HTR2C: variants seen among roughly 807,000 people sequenced by gnomAD.
HTR2C encodes the protein 5-hydroxytryptamine (serotonin) receptor 2C, G protein-coupled.
HTR2C carries 5 observed loss-of-function variants against 21.0 expected under a neutral mutation model. The observed-to-expected ratio is 0.24, with a 90% CI of 0.12 to 0.50. The LOEUF is 0.50. Ranked by LOEUF, HTR2C falls within the 20% of genes least tolerant of loss-of-function variation. The probability of loss-of-function intolerance (pLI) is 0.98; values close to 1 mark genes in which losing one functional copy is unlikely to be tolerated. For missense variants in HTR2C, 271 were observed against 371.2 expected (o/e 0.73, Z 2.22); for synonymous variants, 150 against 145.3 (o/e 1.03, Z -0.23).
At chrX:114,774,633 C>T (rs1299811092) in intron 4 of HTR2C, among the ~76,000 whole-genome samples, 1 of 112,016 alleles carries the variant, frequency 8.9e-6, no homozygotes. Context: ...GCATTTTCCA[C>T]TTACAGTACA....
chrX:114,721,808 G>A (rs1282076738), intron 2 of HTR2C, among the ~76,000 whole-genome samples: 11 of 110,339 alleles, frequency 1.0e-4, no homozygotes, highest in Non-Finnish European at 2.1e-4. Flanking sequence ...TCTCAGGTTT[G>A]TCAAAGATCA....
At chrX:114,831,549 GT>G (rs1298493342) in intron 4 of HTR2C, among the ~76,000 whole-genome samples, 4 of 89,612 alleles carry the variant, frequency 4.5e-5, no homozygotes, top group East Asian at 3.9e-4. Flanking sequence ...GGGGTTGTTT[GT>G]TTTTTTCTTG....
At chrX:114,883,226 T>C (rs2071195289) in intron 5 of HTR2C, among the ~76,000 whole-genome samples, 1 of 110,521 alleles carries the variant, frequency 9.0e-6, no homozygotes, top group South Asian at 3.8e-4. Context: ...TTTTTGATCC[T>C]AATAATTTAA....
chrX:114,858,187 C>A (rs782808132), intron 5 of HTR2C, among the ~76,000 whole-genome samples: 1 of 110,558 alleles, frequency 9.0e-6, no homozygotes, highest in South Asian at 3.8e-4. Flanking sequence ...TAGCCTAAGG[C>A]CTTTTCATTT....
chrX:114,593,648 C>A (rs1556391730), intron 1 of HTR2C, among the ~76,000 whole-genome samples: 1 of 105,342 alleles, frequency 9.5e-6, no homozygotes, highest in Non-Finnish European at 1.9e-5. Flanking sequence ...CAAAAAGACA[C>A]AAGCACTGTG....
chrX:114,790,899 G>C (rs1277988376), intron 4 of HTR2C, among the ~76,000 whole-genome samples: 2 of 110,782 alleles, frequency 1.8e-5, no homozygotes, highest in Admixed American at 1.9e-4. Context: ...TTCATCACTG[G>C]AACATTTGGA....
chrX:114,662,775 T>C (rs868972594), intron 2 of HTR2C, among the ~76,000 whole-genome samples: 1 of 111,364 alleles, frequency 9.0e-6, no homozygotes, highest in South Asian at 3.7e-4. Context: ...TCAGACAATA[T>C]ATCTATTTCA....
rs782644165 is a variant in HTR2C, at chrX:114,743,478, TA to T, written c.349+11877del. Among the ~76,000 whole-genome samples the T allele has an allele frequency of 4.5e-5, 5 of 111,868 alleles. No homozygotes were observed. The South Asian group carries it at 1.5e-3, about 33-fold the overall frequency. ...GACAGAAAAATACAATATCTAAATT[TA>T]AAAAATATATAGCATAGGCTTAATA... On this transcript the variant is annotated intron_variant, in intron 4 of 5. Coordinates refer to ENST00000276198, the MANE Select transcript of HTR2C (RefSeq NM_000868.4).
intron 5 of HTR2C, among the ~76,000 whole-genome samples, chrX:114,891,933 T>G: frequency 9.0e-6 from 1 of 111,522 alleles, no homozygotes; most frequent in Middle Eastern, 4.6e-3. Flanking sequence ...AGTATACTTT[T>G]TTCTCTTATT....
rs1602770950 is a variant in HTR2C at position 114,775,623 on chromosome X, T to A, written c.349+44016T>A. 1.2e-5 allele frequency: 6 copies of A among 498,015 alleles called. No individual in the cohort carries two copies. The East Asian group carries it at 2.2e-4, about 18-fold the overall frequency. 41.0% of individuals were successfully genotyped at this position (498,015 alleles called of 1,213,427 possible). A position where few individuals can be genotyped will look rare whatever the true frequency, so the allele number is the denominator to read the frequency against. ...TCCAAGAGCAGCAAATCTTGAACGTTTTCAGATTTGTCTCCAGATAGGATG... is the reference window on the plus strand; with the variant it reads ...TCCAAGAGCAGCAAATCTTGAACGTATTCAGATTTGTCTCCAGATAGGATG... On this transcript the variant is annotated intron_variant, in intron 4 of 5. Coordinates refer to ENST00000276198, the MANE Select transcript of HTR2C (RefSeq NM_000868.4).
intron 2 of HTR2C, chrX:114,652,799 G>A (rs1930631098): frequency 7.6e-6 from 2 of 262,306 alleles, no homozygotes; most frequent in South Asian, 4.7e-5. Flanking sequence ...GAATGCACAA[G>A]TGATCGCCAT....
intron 4 of HTR2C, among the ~76,000 whole-genome samples, chrX:114,787,133 C>T (rs1484352218): frequency 2.7e-5 from 3 of 111,605 alleles, no homozygotes; most frequent in East Asian, 2.8e-4. Context: ...AAGACCCAGA[C>T]GAATCTTTTT....
At chrX:114,765,997 A>C (rs782775752) in intron 4 of HTR2C, among the ~76,000 whole-genome samples, 30 of 111,708 alleles carry the variant, frequency 2.7e-4, no homozygotes, top group African/African-American at 9.7e-4. Context: ...ACGCTTCCAA[A>C]GACAAAAGCA....
intron 4 of HTR2C, among the ~76,000 whole-genome samples, chrX:114,804,202 A>G (rs1556447965): frequency 8.9e-6 from 1 of 111,826 alleles, no homozygotes; most frequent in African/African-American, 3.2e-5. Flanking sequence ...TAAGCTACTG[A>G]TATTCTGTCT....
intron 4 of HTR2C, 99 bp downstream of exon 4, chrX:114,731,706 G>C: frequency 1.5e-6 from 1 of 653,184 alleles, no homozygotes; most frequent in East Asian, 3.4e-5. Flanking sequence ...GTAACATTTG[G>C]AAAAAGAAAA....
Position 114,848,007 on chromosome X carries a change from T to C in HTR2C, c.354T>C (p.Tyr118=). 8.3e-7 allele frequency: 1 copy of C among 1,201,096 alleles called. No individual in the cohort carries two copies. Among genetic ancestry groups the C allele is most frequent in the Non-Finnish European group, 1.1e-6 (1 of 885,883 alleles). ...PLSLLAILYD[Y]VWPLPRYLCP... ...CTTCTCTCTGTTCTCTTTCAGATTATGTCTGGCCACTACCTAGATATTTGT... is the reference window on the plus strand; with the variant it reads ...CTTCTCTCTGTTCTCTTTCAGATTACGTCTGGCCACTACCTAGATATTTGT... The change falls in exon 5 of 6, where the codon TAT becomes TAC. Residue 118 remains tyrosine (Y), a synonymous_variant. Transcript: ENST00000276198.
intron 2 of HTR2C, among the ~76,000 whole-genome samples, chrX:114,648,374 G>A (rs1181284372): frequency 1.8e-5 from 2 of 111,311 alleles, no homozygotes; most frequent in Non-Finnish European, 3.8e-5. Flanking sequence ...GGAATAACAC[G>A]TCCTGGTCTC....
intron 4 of HTR2C, among the ~76,000 whole-genome samples, chrX:114,734,593 GACAAA>G (rs2069571854): frequency 2.0e-5 from 1 of 50,017 alleles, no homozygotes; most frequent in Admixed American, 2.0e-4. Context: ...AAAAAAAAAA[GACAAA>G]ACAAAGCAAT....
intron 2 of HTR2C, among the ~76,000 whole-genome samples, chrX:114,724,521 A>C (rs1269252020): frequency 7.7e-5 from 6 of 78,224 alleles, no homozygotes; most frequent in Admixed American, 3.4e-4. Context: ...TTACATTTAA[A>C]GTTAATATTG....
Sources: allele counts gnomAD v4.1 joint callset (sites outside exome capture counted in the v4.1 genomes callset), GRCh38; gene constraint gnomAD v4.1.1; transcripts MANE v1.5; gene names NCBI Gene and HGNC (gene_info 2026-07-23, HGNC 2026-07-21).